Variants in CEP70 observed in about 807,000 individuals in gnomAD.
The protein encoded by CEP70 is centrosomal protein of 70 kDa.
In CEP70, 70 loss-of-function variants were observed where a neutral mutation model predicts 90.9. The ratio of observed to expected loss-of-function variants is 0.77; its 90% CI spans 0.64 to 0.94. CEP70 has a LOEUF of 0.94. CEP70 is among the 40% of genes least tolerant of loss of function. The pLI is 0.00. For synonymous variants in CEP70, 220 were observed against 228.3 expected (o/e 0.96, Z 0.33); for missense variants, 648 against 669.0 (o/e 0.97, Z 0.35).
rs368791382 is a variant in CEP70 at position 138,523,057 on chromosome 3, A to C, written c.944+2433T>G. 5.3e-5 allele frequency among the ~76,000 whole-genome samples: 8 copies of C among 152,350 alleles called. No individual in the cohort carries two copies. In the East Asian group the frequency reaches 1.2e-3, roughly 22 times the overall value. On this transcript the variant is annotated intron_variant, in intron 11 of 17. Transcript: ENST00000264982. ...AAGTGGGCTTTATCCCTGGGATGCA[A>C]GGCTGGTTCAACATACACAAATCAA... is the stretch of plus-strand genomic sequence containing the variant.
intron 17 of CEP70, chr3:138,497,614 C>T: frequency 1.0e-6 from 1 of 955,260 alleles, no homozygotes; most frequent in African/African-American, 1.8e-5. Flanking sequence ...CTTTATGTTA[C>T]TTCATATAAC....
intron 17 of CEP70, chr3:138,497,331 T>TAAAA (rs539518473): frequency 4.6e-6 from 5 of 1,077,700 alleles, no homozygotes; most frequent in East Asian, 1.3e-4. Flanking sequence ...AGCCATTCTT[T>TAAAA]AAAAAAAAAA....
intron 2 of CEP70, among the ~76,000 whole-genome samples, chr3:138,575,944 G>A (rs989599054): frequency 3.9e-5 from 6 of 152,182 alleles, no homozygotes; most frequent in African/African-American, 1.4e-4. Context: ...AAGAGCTCCT[G>A]AAGGAAGCAC....
intron 6 of CEP70, among the ~76,000 whole-genome samples, chr3:138,564,301 T>G (rs2040621608): frequency 6.6e-6 from 1 of 152,212 alleles, no homozygotes; most frequent in African/African-American, 2.4e-5. Flanking sequence ...CTTCTGAAAC[T>G]ATTCCAATCA....
intron 2 of CEP70, among the ~76,000 whole-genome samples, chr3:138,587,617 C>G (rs940921844): frequency 2.8e-5 from 1 of 35,502 alleles, no homozygotes; most frequent in African/African-American, 1.0e-4. Flanking sequence ...GACCCCATCT[C>G]TACAAAAAAA....
intron 11 of CEP70, among the ~76,000 whole-genome samples, chr3:138,521,044 G>A (rs983507654): frequency 4.6e-5 from 7 of 152,130 alleles, no homozygotes; most frequent in African/African-American, 1.7e-4. Context: ...TCCTGACCTC[G>A]AGTGATCTGC....
Position 138,571,134 on chromosome 3 carries a change from A to C in CEP70, c.184T>G (p.Ser62Ala). The C allele has an allele frequency of 6.3e-7, 1 of 1,597,520 alleles. No individual in the cohort carries two copies. The highest frequency in any genetic ancestry group is 8.6e-7 in the Non-Finnish European group (1 of 1,169,312). The change falls in exon 5 of 18, where the codon TCA (serine) becomes GCA (alanine). Residue 62 changes from serine (S) to alanine (A), a missense_variant. Physicochemically the swap from Ser to Ala is moderately conservative, Grantham distance 99. Transcript: ENST00000264982. ...LKDLIIFDKQSSQRMRQNLKL... is the reference protein window; with the variant it reads ...LKDLIIFDKQASQRMRQNLKL... The stretch of plus-strand genomic sequence containing the variant: ...AAATTCTGTCTCATCCTTTGTGATG[A>C]CTGTTTGTCAAAAATGATGAGATCT...
intron 2 of CEP70, among the ~76,000 whole-genome samples, chr3:138,577,264 C>T (rs1189165407): frequency 6.6e-6 from 1 of 152,114 alleles, no homozygotes; most frequent in African/African-American, 2.4e-5. Context: ...TTAATGGGTG[C>T]AGCACACCAA....
chr3:138,530,206 G>A (rs915359824), intron 8 of CEP70, among the ~76,000 whole-genome samples: 11 of 152,076 alleles, frequency 7.2e-5, no homozygotes, highest in African/African-American at 1.4e-4. Context: ...CTTGAAATAC[G>A]GGTAATGCCA....
chr3:138,537,434 T>A, intron 6 of CEP70, 87 bp from the exon 7 acceptor site: 1 of 839,560 alleles, frequency 1.2e-6, no homozygotes, highest in South Asian at 2.6e-5. Context: ...GGCATCTTCA[T>A]AGTTTCTACT....
At chr3:138,559,715 A>G (rs937636985) in intron 6 of CEP70, among the ~76,000 whole-genome samples, 22 of 152,230 alleles carry the variant, frequency 1.4e-4, no homozygotes, top group Non-Finnish European at 2.2e-4. Flanking sequence ...ACAGAGCAAG[A>G]CTCTATACCA....
intron 2 of CEP70, among the ~76,000 whole-genome samples, chr3:138,588,704 C>G (rs890384744): frequency 6.6e-6 from 1 of 152,156 alleles, no homozygotes; most frequent in African/African-American, 2.4e-5. Context: ...AAGCACTTAC[C>G]ATAAGACCCA....
chr3:138,534,889 G>A (rs747447138), intron 7 of CEP70, among the ~76,000 whole-genome samples: 5 of 152,220 alleles, frequency 3.3e-5, no homozygotes, highest in South Asian at 4.2e-4. Flanking sequence ...TAGCCAATTC[G>A]TCTGGACAAC....
chr3:138,497,949 C>A, intron 17 of CEP70, 82 bp downstream of exon 17: 1 of 1,571,290 alleles, frequency 6.4e-7, no homozygotes, highest in Non-Finnish European at 8.6e-7. Flanking sequence ...AAATACTAAT[C>A]CAGTGACCAA....
intron 6 of CEP70, among the ~76,000 whole-genome samples, chr3:138,556,222 T>C (rs1448161560): frequency 1.3e-5 from 2 of 152,056 alleles, no homozygotes; most frequent in Admixed American, 1.3e-4. Flanking sequence ...GCTATGACAA[T>C]GCAAAGGCAT....
chr3:138,588,427 C>A (rs2042214376), intron 2 of CEP70, among the ~76,000 whole-genome samples: 1 of 152,036 alleles, frequency 6.6e-6, no homozygotes, highest in Non-Finnish European at 1.5e-5. Flanking sequence ...TAAAAATGGT[C>A]AAAAAATTTC....
chr3:138,524,812 G>A (rs917022925), intron 11 of CEP70, among the ~76,000 whole-genome samples: 2 of 152,160 alleles, frequency 1.3e-5, no homozygotes, highest in Non-Finnish European at 2.9e-5. Flanking sequence ...TTACACTGTT[G>A]GTGGAACTGT....
chr3:138,531,113 A>G (rs1422548574), intron 8 of CEP70, among the ~76,000 whole-genome samples: 3 of 152,152 alleles, frequency 2.0e-5, no homozygotes, highest in Non-Finnish European at 1.5e-5. Flanking sequence ...CAGCTAGACA[A>G]TTGATGAAAA....
intron 6 of CEP70, among the ~76,000 whole-genome samples, chr3:138,539,525 C>T (rs1486110969): frequency 6.6e-6 from 1 of 151,980 alleles, no homozygotes; most frequent in Non-Finnish European, 1.5e-5. Flanking sequence ...CTGAGAAATA[C>T]ATTCCCTGAA....
Sources: gnomAD v4.1 joint callset for allele counts (sites outside exome capture counted in the v4.1 genomes callset) on GRCh38, gnomAD v4.1.1 for gene constraint, MANE v1.5 for transcripts, NCBI Gene and HGNC (gene_info 2026-07-23, HGNC 2026-07-21) for gene names.